PTPRE: variants seen among roughly 807,000 people sequenced by gnomAD.
The protein encoded by PTPRE is protein tyrosine phosphatase receptor type E.
Under a neutral mutation model 102.0 loss-of-function variants are expected in PTPRE, and 51 were observed. The ratio of observed to expected loss-of-function variants is 0.50; its 90% CI spans 0.40 to 0.63. The LOEUF (loss-of-function observed/expected upper bound fraction) is 0.63, where lower values mean the gene tolerates loss of function less well. PTPRE is among the 30% of genes least tolerant of loss of function. The probability of loss-of-function intolerance (pLI) is 0.00; values close to 1 mark genes in which losing one functional copy is unlikely to be tolerated. For missense variants in PTPRE, 752 were observed against 915.1 expected, an observed-to-expected ratio of 0.82 and a Z score of 2.30; for synonymous variants, 345 against 348.2, an observed-to-expected ratio of 0.99 and a Z score of 0.10.
intron 2 of PTPRE, among the ~76,000 whole-genome samples, chr10:128,015,963 A>G (rs1210802738): frequency 3.9e-5 from 6 of 152,222 alleles, no homozygotes; most frequent in Non-Finnish European, 8.8e-5. Context: ...GCTTTAGGAC[A>G]CGAGCTGCGT....
intron 1 of PTPRE, among the ~76,000 whole-genome samples, chr10:127,979,007 C>T (rs1446336298): frequency 2.6e-5 from 4 of 151,954 alleles, no homozygotes; most frequent in Non-Finnish European, 4.4e-5. Flanking sequence ...GGTTACAGAG[C>T]GAGACTCCAT....
chr10:127,954,576 G>C (rs1025201421), intron 1 of PTPRE, among the ~76,000 whole-genome samples: 1 of 152,196 alleles, frequency 6.6e-6, no homozygotes, highest in African/African-American at 2.4e-5. Flanking sequence ...GAATTCACTA[G>C]TCTTACCATG....
intron 1 of PTPRE, among the ~76,000 whole-genome samples, chr10:127,910,476 A>G (rs1845791959): frequency 6.6e-6 from 1 of 152,172 alleles, no homozygotes; most frequent in Non-Finnish European, 1.5e-5. Context: ...TTTGATTTCC[A>G]GTTCACTTGC....
intron 6 of PTPRE, among the ~76,000 whole-genome samples, chr10:128,053,991 C>A (rs1002351183): frequency 1.3e-5 from 2 of 152,098 alleles, no homozygotes; most frequent in Admixed American, 1.3e-4. Context: ...GAACTCCTGA[C>A]CTCAGGTGAT....
At chr10:128,034,806 T>A (rs1847076994) in intron 2 of PTPRE, among the ~76,000 whole-genome samples, 1 of 152,216 alleles carries the variant, frequency 6.6e-6, no homozygotes, top group South Asian at 2.1e-4. Flanking sequence ...AATTTTATTT[T>A]AAAAATTAAA....
chr10:128,064,917 G>T (rs949431359), intron 10 of PTPRE, among the ~76,000 whole-genome samples: 3 of 152,192 alleles, frequency 2.0e-5, no homozygotes, highest in Admixed American at 2.0e-4. Flanking sequence ...GAGGGAGGGG[G>T]TATAAAACCA....
intron 2 of PTPRE, among the ~76,000 whole-genome samples, chr10:128,003,493 C>T (rs1306170568): frequency 1.3e-5 from 2 of 152,108 alleles, no homozygotes; most frequent in African/African-American, 4.8e-5. Context: ...CCTGGTGATA[C>T]TGTTTAACAA....
At chr10:127,931,472 G>T (rs1021797960) in intron 1 of PTPRE, among the ~76,000 whole-genome samples, 1 of 152,182 alleles carries the variant, frequency 6.6e-6, no homozygotes, top group Non-Finnish European at 1.5e-5. Flanking sequence ...TCCGCCTCAA[G>T]GCAGAAGCTG....
chr10:128,062,096 A>T (rs141938029), intron 9 of PTPRE, among the ~76,000 whole-genome samples: 4 of 152,370 alleles, frequency 2.6e-5, no homozygotes, highest in African/African-American at 9.6e-5. Flanking sequence ...TTCAGCTGTG[A>T]AAACGTGCCC....
chr10:128,057,718 C>T (rs1849118113), intron 7 of PTPRE, among the ~76,000 whole-genome samples: 1 of 152,174 alleles, frequency 6.6e-6, no homozygotes, highest in African/African-American at 2.4e-5. Flanking sequence ...GCCAAGGCAA[C>T]ACCAGGAAGA....
chr10:127,939,977 C>T (rs536427051), intron 1 of PTPRE, among the ~76,000 whole-genome samples: 11 of 149,446 alleles, frequency 7.4e-5, no homozygotes, highest in Non-Finnish European at 1.2e-4. Context: ...CAGATGTGGG[C>T]GGGTGGAGGC....
rs577111813 is a variant in PTPRE, at chr10:128,000,648, A to G, written c.-8+18352A>G. On this transcript the variant is annotated intron_variant, in intron 2 of 20. Coordinates refer to ENST00000254667, the MANE Select transcript of PTPRE (RefSeq NM_006504.6). ...AGCTCACCTATGAATTGGTTTTGAT[A>G]CTTATGATGAGAACAGACTTCCTGC... Among the ~76,000 whole-genome samples the G allele has an allele frequency of 2.0e-5, 3 of 152,324 alleles. 1 individual carries two copies. The highest frequency in any genetic ancestry group is 7.2e-5 in the African/African-American group (3 of 41,568).
chr10:127,962,047 A>G (rs1849860749), intron 1 of PTPRE, among the ~76,000 whole-genome samples: 1 of 152,180 alleles, frequency 6.6e-6, no homozygotes, highest in South Asian at 2.1e-4. Context: ...AATTTCATCA[A>G]ACAATAGGAA....
chr10:128,049,471 C>G (rs1299310481), intron 5 of PTPRE, 59 bp from the exon 6 acceptor site: 1 of 1,588,922 alleles, frequency 6.3e-7, no homozygotes, highest in Non-Finnish European at 8.6e-7. Context: ...AGCTTGGTTA[C>G]TCAGTCGCCT....
Position 128,011,281 on chromosome 10 carries a change from A to G in PTPRE, c.-8+28985A>G, listed in dbSNP as rs1375021582. On this transcript the variant is annotated intron_variant, in intron 2 of 20. Coordinates refer to ENST00000254667, the MANE Select transcript of PTPRE (RefSeq NM_006504.6). ...GAATTCAGATGAATCTTAGAATGCT[A>G]GTTCCTAATTAATCACTGTAACACG... is the stretch of plus-strand genomic sequence containing the variant. Among the ~76,000 whole-genome samples the G allele has an allele frequency of 4.6e-5, 7 of 152,224 alleles. No individual in the cohort carries two copies. In the East Asian group the frequency reaches 1.3e-3, roughly 29 times the overall value.
rs1361262015 is a variant in PTPRE at position 128,073,345 on chromosome 10, A to G, written c.1473A>G (p.Arg491=). ...TGCGCCTCCATTTGAAGGGCTACCGACAGAAGGACTATTTCATCGCCACCC... is the reference window on the plus strand; with the variant it reads ...TGCGCCTCCATTTGAAGGGCTACCGGCAGAAGGACTATTTCATCGCCACCC... The part of the protein sequence containing the change: ...YINASFIDGY[R]QKDYFIATQG... The change falls in exon 17 of 21, where the codon CGA becomes CGG. Residue 491 remains arginine (R), a synonymous_variant. Transcript: ENST00000254667. The G allele has an allele frequency of 6.2e-7, 1 of 1,614,188 alleles. No homozygotes were observed. The highest frequency in any genetic ancestry group is 1.7e-5 in the Admixed American group (1 of 60,028).
rs113249813 is a variant in PTPRE, at chr10:127,944,213, G to A, written c.-31+36904G>A. The stretch of plus-strand genomic sequence containing the variant: ...TAAGAATCCAGGGACCAGAACTGGG[G>A]TATAAAGTAGGACTGAGAATTAAGA... On this transcript the variant is annotated intron_variant, in intron 1 of 20. Transcript: ENST00000254667. This position sits in a 1 kb window ranked among gnomAD's most constrained non-coding sequence, Gnocchi z 4.2. Among the ~76,000 whole-genome samples the A allele has an allele frequency of 7.2e-3, 1,094 of 152,292 alleles. 12 individuals carry two copies. The highest frequency in any genetic ancestry group is 0.025 in the African/African-American group (1,047 of 41,544).
chr10:128,071,020 C>G (rs771475394), intron 15 of PTPRE, 119 bp downstream of exon 15: 4 of 996,662 alleles, frequency 4.0e-6, no homozygotes, highest in South Asian at 1.5e-5. Flanking sequence ...GCAGGGTGTC[C>G]TCTGGCCTCA....
At chr10:127,985,288 A>G (rs978335082) in intron 2 of PTPRE, among the ~76,000 whole-genome samples, 1 of 152,252 alleles carries the variant, frequency 6.6e-6, no homozygotes, top group African/African-American at 2.4e-5. Flanking sequence ...GCATTTAATA[A>G]AAGCTAGCTA....
Sources: gnomAD v4.1 joint callset for allele counts (sites outside exome capture counted in the v4.1 genomes callset) on GRCh38, gnomAD v4.1.1 for gene constraint, Gnocchi (gnomAD v3.1) non-coding constraint, MANE v1.5 for transcripts, NCBI Gene and HGNC (gene_info 2026-07-23, HGNC 2026-07-21) for gene names.